IFT81: variants seen among roughly 807,000 people sequenced by gnomAD.
IFT81 encodes the protein intraflagellar transport 81.
Under a neutral mutation model 102.6 loss-of-function variants are expected in IFT81, and 72 were observed. The ratio of observed to expected loss-of-function variants is 0.70; its 90% CI spans 0.58 to 0.85. The LOEUF (loss-of-function observed/expected upper bound fraction) is 0.85. Ranked by LOEUF, IFT81 falls within the 40% of genes least tolerant of loss-of-function variation. The pLI is 0.00. For synonymous variants in IFT81, 237 were observed against 242.7 expected (o/e 0.98, Z 0.22); for missense variants, 723 against 787.3 (o/e 0.92, Z 0.98).
At chr12:110,161,085 T>C (rs1170482434) in intron 10 of IFT81, among the ~76,000 whole-genome samples, 1 of 151,872 alleles carries the variant, frequency 6.6e-6, no homozygotes, top group Non-Finnish European at 1.5e-5. Flanking sequence ...TATTGAAGTA[T>C]ACTATCAATT....
rs775357461 is a variant in IFT81, at chr12:110,134,994, T to C, written c.566T>C (p.Val189Ala). 29 of 1,609,396 alleles carry C rather than the reference T, an allele frequency of 1.8e-5. No individual in the cohort carries two copies. The highest frequency in any genetic ancestry group is 2.4e-5 in the Non-Finnish European group (28 of 1,178,498). Residue 189 changes from valine to alanine, a missense_variant, in exon 6 of 19, where the codon GTT (valine) becomes GCT (alanine). Coordinates refer to ENST00000242591, the MANE Select transcript of IFT81 (RefSeq NM_014055.4). Reference sequence around the variant, plus strand: ...GAAAAGGATCAGCTCATTAAGAGAGTTGAACATTTGAAGAAAAGGGTAAGG... The same window carrying C: ...GAAAAGGATCAGCTCATTAAGAGAGCTGAACATTTGAAGAAAAGGGTAAGG... The part of the protein sequence containing the change: ...EEEKDQLIKR[V>A]EHLKKRVETA...
chr12:110,156,026 A>G (rs959169581), intron 10 of IFT81, among the ~76,000 whole-genome samples: 2 of 152,212 alleles, frequency 1.3e-5, no homozygotes, highest in Non-Finnish European at 2.9e-5. Context: ...GCCCCAAAAC[A>G]TAAACTAACA....
At chr12:110,197,748 T>C (rs1221435595) in intron 14 of IFT81, among the ~76,000 whole-genome samples, 1 of 152,058 alleles carries the variant, frequency 6.6e-6, no homozygotes, top group African/African-American at 2.4e-5. Context: ...GTTTCACTCT[T>C]GTTGCCCAGG....
chr12:110,131,974 A>G (rs1437156547), intron 4 of IFT81, among the ~76,000 whole-genome samples: 1 of 152,222 alleles, frequency 6.6e-6, no homozygotes, highest in Non-Finnish European at 1.5e-5. Context: ...TCAGGAACTC[A>G]GACATCAACA....
intron 18 of IFT81, among the ~76,000 whole-genome samples, chr12:110,209,629 C>T (rs944336488): frequency 6.6e-6 from 1 of 151,878 alleles, no homozygotes; most frequent in African/African-American, 2.4e-5. Flanking sequence ...ATTAGCCAGG[C>T]GTGGTGGCAG....
intron 10 of IFT81, among the ~76,000 whole-genome samples, chr12:110,156,831 A>T (rs1895866708): frequency 1.3e-5 from 2 of 152,110 alleles, no homozygotes; most frequent in Admixed American, 1.3e-4. Flanking sequence ...TTTGCCAGAT[A>T]TATGATTCTT....
At chr12:110,169,023 C>CCCTTCCTTCCTTCCTTCCTTCCTT (rs201299809) in intron 11 of IFT81, 13 of 115,418 alleles carry the variant, frequency 1.1e-4, no homozygotes, top group South Asian at 3.4e-4. Context: ...TTTCCTTCCT[C>CCCTTCCTTCCTTCCTTCCTTCCTT]CCTTCCTTCC....
intron 11 of IFT81, 28 bp downstream of exon 11, chr12:110,163,093 G>T (rs764317213): frequency 6.3e-7 from 1 of 1,591,102 alleles, no homozygotes; most frequent in Non-Finnish European, 8.6e-7. Context: ...ATGGGACAAG[G>T]GTATGAGTAT....
intron 7 of IFT81, among the ~76,000 whole-genome samples, chr12:110,135,914 C>G (rs1894479336): frequency 6.6e-6 from 1 of 151,204 alleles, no homozygotes; most frequent in Non-Finnish European, 1.5e-5. Context: ...ACAACAATAC[C>G]ACTTTTTGGG....
chr12:110,189,672 C>G (rs1483836562), intron 12 of IFT81, among the ~76,000 whole-genome samples: 3 of 152,240 alleles, frequency 2.0e-5, no homozygotes, highest in South Asian at 4.1e-4. Flanking sequence ...ACACATATAA[C>G]ATCTTGACCT....
At chr12:110,181,286 A>C (rs1415670085) in intron 12 of IFT81, among the ~76,000 whole-genome samples, 6 of 152,256 alleles carry the variant, frequency 3.9e-5, no homozygotes, top group African/African-American at 1.4e-4. Flanking sequence ...CTGTGAATCA[A>C]CATGGATTCT....
intron 10 of IFT81, among the ~76,000 whole-genome samples, chr12:110,150,219 G>T (rs1375556468): frequency 4.6e-5 from 7 of 151,894 alleles, no homozygotes; most frequent in African/African-American, 1.5e-4. Flanking sequence ...CGATTCTCCT[G>T]CCTCAGCTTC....
intron 7 of IFT81, among the ~76,000 whole-genome samples, chr12:110,136,234 C>T (rs536801977): frequency 1.3e-5 from 2 of 152,294 alleles, no homozygotes; most frequent in South Asian, 2.1e-4. Flanking sequence ...ATTACTTTTA[C>T]TTATTAAAAA....
intron 15 of IFT81, chr12:110,204,298 A>C: frequency 5.6e-6 from 1 of 179,964 alleles, no homozygotes. Flanking sequence ...TACAAGGCTC[A>C]TTATCTGCTG....
At chr12:110,204,581 G>T (rs1340070679) in intron 15 of IFT81, 1 of 152,890 alleles carries the variant, frequency 6.5e-6, no homozygotes. Flanking sequence ...GGCCAAGCTT[G>T]TTTTCACTTT....
In IFT81 at chr12:110,165,380, A is replaced by G. The variant is rs190844320; in HGVS notation, c.1188+2315A>G. 2.0e-5 allele frequency among the ~76,000 whole-genome samples: 3 copies of G among 152,302 alleles called. No individual in the cohort carries two copies. In the East Asian group the frequency reaches 5.8e-4, roughly 29 times the overall value. On this transcript the variant is annotated intron_variant, in intron 11 of 18. Coordinates refer to ENST00000242591, the MANE Select transcript of IFT81 (RefSeq NM_014055.4). ...ATACAGCTGGAGGTATAATTCACTG[A>G]GGTGCCTGATTTAGTATCACATGGT...
intron 11 of IFT81, among the ~76,000 whole-genome samples, chr12:110,165,480 A>T (rs1447733436): frequency 2.0e-5 from 3 of 152,176 alleles, no homozygotes; most frequent in South Asian, 4.1e-4. Flanking sequence ...TCTGTTAAAC[A>T]GTTGGTGAGA....
At position 110,218,272 on chromosome 12, in the gene IFT81, A is replaced by C. The variant is rs771129476; in HGVS notation, c.*46A>C. On this transcript the variant is annotated 3_prime_UTR_variant, in exon 19 of 19. Transcript: ENST00000242591. ...GGTTTTACTTGATACCACTAGCTAT[A>C]AGCCTAATCTCATAATGTATTTCTT... is the stretch of plus-strand genomic sequence containing the variant. 2.8e-5 allele frequency: 38 copies of C among 1,352,150 alleles called. No individual in the cohort carries two copies. Among genetic ancestry groups the C allele is most frequent in the Non-Finnish European group, 3.7e-5 (37 of 1,011,686 alleles). 83.8% of individuals were successfully genotyped at this position (1,352,150 alleles called of 1,614,324 possible). A position where few individuals can be genotyped will look rare whatever the true frequency, so the allele number is the denominator to read the frequency against.
chr12:110,161,450 C>CTTTTT (rs749807297), intron 10 of IFT81, among the ~76,000 whole-genome samples: 1 of 141,300 alleles, frequency 7.1e-6, no homozygotes, highest in Non-Finnish European at 1.5e-5. Flanking sequence ...GCCTGACCCA[C>CTTTTT]TTTTTTTTTT....
Sources: gnomAD v4.1 joint callset for allele counts (sites outside exome capture counted in the v4.1 genomes callset) on GRCh38, gnomAD v4.1.1 for gene constraint, MANE v1.5 for transcripts, NCBI Gene and HGNC (gene_info 2026-07-23, HGNC 2026-07-21) for gene names.